ACTN2: variants seen among roughly 807,000 people sequenced by gnomAD.
ACTN2 encodes the protein actinin alpha 2, also known as alpha-actinin-2.
A neutral mutation model predicts 113.8 loss-of-function variants in ACTN2; 39 were observed. The ratio of observed to expected loss-of-function variants is 0.34; its 90% CI spans 0.27 to 0.45. The LOEUF is 0.45. Among genes scored for constraint, ACTN2 ranks in the 20% least tolerant of loss-of-function variants. ACTN2 has a pLI of 1.00. For missense variants in ACTN2, 992 were observed against 1,177.9 expected, an observed-to-expected ratio of 0.84 and a Z score of 2.31; for synonymous variants, 429 against 444.1, an observed-to-expected ratio of 0.97 and a Z score of 0.43.
Position 236,761,173 on chromosome 1 carries a change from G to A in ACTN2, c.2526G>A (p.Lys842=). The A allele has an allele frequency of 6.2e-7, 1 of 1,614,050 alleles. No homozygotes were observed. Among genetic ancestry groups the A allele is most frequent in the Non-Finnish European group, 8.5e-7 (1 of 1,180,032 alleles). The change falls in exon 20 of 21, where the codon AAG becomes AAA. Residue 842 remains lysine, a splice_region_variant and synonymous_variant. Transcript: ENST00000366578. ...CCTTCCGGATCCTGGCTTCTGATAA[G>A]GTCTGCATTGACAGATTTCCTTCTG... is the stretch of plus-strand genomic sequence containing the variant. ...IASFRILASD[K]PYILAEELRR...
chr1:236,702,892 C>A (rs1199149531), intron 1 of ACTN2, among the ~76,000 whole-genome samples: 4 of 152,142 alleles, frequency 2.6e-5, no homozygotes. Flanking sequence ...ATGCTTGCAT[C>A]TCTGTGTGTA....
intron 4 of ACTN2, among the ~76,000 whole-genome samples, chr1:236,721,015 G>GGTTTTTGTTTTTTTTTTTTT: frequency 6.1e-4 from 30 of 49,140 alleles, no homozygotes; most frequent in East Asian, 1.6e-3. Flanking sequence ...TCTGGTTTTT[G>GGTTTTTGTTTTTTTTTTTTT]TTTTTTGTTT....
chr1:236,706,193 A>G (rs1019866037), intron 1 of ACTN2, among the ~76,000 whole-genome samples: 1 of 152,108 alleles, frequency 6.6e-6, no homozygotes, highest in Non-Finnish European at 1.5e-5. Context: ...GATAATAAGA[A>G]ATTTTAAAAA....
At chr1:236,744,578 C>T (rs1252325396) in intron 11 of ACTN2, 48 bp from the exon 12 acceptor site, 9 of 1,607,296 alleles carry the variant, frequency 5.6e-6, no homozygotes, top group African/African-American at 1.3e-5. Flanking sequence ...CATGAGGAAG[C>T]CGCTGTGCCC....
At chr1:236,762,008 A>G (rs1416043082) in intron 20 of ACTN2, among the ~76,000 whole-genome samples, 1 of 152,246 alleles carries the variant, frequency 6.6e-6, no homozygotes, top group Non-Finnish European at 1.5e-5. Flanking sequence ...AGAAACTTCT[A>G]CTATAAATTA....
At position 236,744,666 on chromosome 1, in the gene ACTN2, G is replaced by T; in HGVS notation, c.1296G>T (p.Ala432=). The T allele has an allele frequency of 6.2e-7, 1 of 1,614,200 alleles. No homozygotes were observed. The part of the protein sequence containing the change: ...QILLQKDYES[A]SLTEVRALLR... Reference sequence around the variant, plus strand: ...TGCTGCAGAAGGATTACGAGTCGGCGTCGCTGACAGAGGTGCGGGCTCTGC... The same window carrying T: ...TGCTGCAGAAGGATTACGAGTCGGCTTCGCTGACAGAGGTGCGGGCTCTGC... Residue 432 remains alanine (A), a synonymous_variant, in exon 12 of 21, where the codon GCG becomes GCT. Transcript: ENST00000366578.
intron 12 of ACTN2, 86 bp downstream of exon 12, chr1:236,744,862 T>C (rs1443487164): frequency 9.4e-6 from 15 of 1,587,730 alleles, no homozygotes; most frequent in Middle Eastern, 1.7e-4. Context: ...CTTTCCTGAC[T>C]AAACGCAGAG....
At chr1:236,723,014 C>T (rs1022907898) in intron 4 of ACTN2, among the ~76,000 whole-genome samples, 1 of 152,194 alleles carries the variant, frequency 6.6e-6, no homozygotes, top group Non-Finnish European at 1.5e-5. Context: ...GCATTCATGG[C>T]CCAAGAGTGT....
At chr1:236,690,331 G>A (rs568395821) in intron 1 of ACTN2, among the ~76,000 whole-genome samples, 21 of 152,306 alleles carry the variant, frequency 1.4e-4, no homozygotes, top group African/African-American at 4.1e-4. Flanking sequence ...GGCTCTTCCT[G>A]CCTAATGACA....
rs937726988 is a variant in ACTN2 at position 236,757,743 on chromosome 1, A to T, written c.2301+111A>T. Reference sequence around the variant, plus strand: ...TTAAGGCTCCACAACATTTACAGGGAAACAGGATAGTTAATGACAAAAGAA... The same window carrying T: ...TTAAGGCTCCACAACATTTACAGGGTAACAGGATAGTTAATGACAAAAGAA... On this transcript the variant is annotated intron_variant, in intron 18 of 20. Coordinates refer to ENST00000366578, the MANE Select transcript of ACTN2 (RefSeq NM_001103.4). 4 of 1,424,362 alleles carry T rather than the reference A, an allele frequency of 2.8e-6. No individual in the cohort carries two copies. The African/African-American group carries it at 5.6e-5, about 20-fold the overall frequency. The allele number at this position is 1,424,362 out of a possible 1,614,324, so 88.2% of individuals were successfully genotyped here.
intron 9 of ACTN2, among the ~76,000 whole-genome samples, chr1:236,738,717 T>C (rs987204810): frequency 1.3e-5 from 2 of 152,240 alleles, no homozygotes; most frequent in African/African-American, 2.4e-5. Flanking sequence ...ATTCAAGAGG[T>C]GCATGTGTAT....
rs1185669121 is a variant in ACTN2 at position 236,737,178 on chromosome 1, G to C, written c.840G>C (p.Glu280Asp). 1.2e-6 allele frequency: 2 copies of C among 1,605,756 alleles called. No homozygotes were observed. The highest frequency in any genetic ancestry group is 2.2e-5 in the South Asian group (2 of 90,918). Reference protein sequence around the residue: ...CKVLAVNQENERLMEEYERLA... With the variant: ...CKVLAVNQENDRLMEEYERLA... ...TTCTTGCTGTGAATCAAGAGAATGA[G>C]AGGCTGATGGAAGAATATGAGAGGC... Residue 280 changes from glutamate to aspartate, a missense_variant, in exon 9 of 21, where the codon GAG (glutamate) becomes GAC (aspartate). Transcript: ENST00000366578.
chr1:236,728,012 G>T (rs1572122191), intron 6 of ACTN2, among the ~76,000 whole-genome samples: 1 of 152,270 alleles, frequency 6.6e-6, no homozygotes, highest in East Asian at 1.9e-4. Context: ...ATCAAGATAT[G>T]TTTGATGATT....
At chr1:236,734,175 G>C (rs191962739) in intron 7 of ACTN2, among the ~76,000 whole-genome samples, 6 of 152,270 alleles carry the variant, frequency 3.9e-5, no homozygotes, top group Admixed American at 2.6e-4. Flanking sequence ...TGCCTTTCTT[G>C]CTAGGTTAGG....
In ACTN2 at chr1:236,744,623, C is replaced by A. The variant is rs1553303028; in HGVS notation, c.1256-3C>A. On this transcript the variant is annotated splice_region_variant and splice_polypyrimidine_tract_variant and intron_variant, in intron 11 of 20. Transcript: ENST00000366578. Reference sequence around the variant, plus strand: ...TCATACTTTCTTGCTACCACCTTTGCAGGCAAAGAGCAGATCTTGCTGCAG... The same window carrying A: ...TCATACTTTCTTGCTACCACCTTTGAAGGCAAAGAGCAGATCTTGCTGCAG... 6.2e-7 allele frequency: 1 copy of A among 1,614,076 alleles called. No individual in the cohort carries two copies. Among genetic ancestry groups the A allele is most frequent in the Non-Finnish European group, 8.5e-7 (1 of 1,180,000 alleles).
At chr1:236,720,288 C>T in intron 4 of ACTN2, 97 bp downstream of exon 4, 1 of 998,250 alleles carries the variant, frequency 1.0e-6, no homozygotes, top group East Asian at 2.4e-5. Flanking sequence ...CAGTCACTTA[C>T]ATGATTGAAT....
At chr1:236,753,845 C>G in intron 15 of ACTN2, 102 bp from the exon 16 acceptor site, 1 of 1,303,788 alleles carries the variant, frequency 7.7e-7, no homozygotes, top group South Asian at 1.2e-5. Context: ...GTTTCTCCTT[C>G]TCCACTCCCA....
chr1:236,705,504 G>T (rs1657798652), intron 1 of ACTN2, among the ~76,000 whole-genome samples: 2 of 152,092 alleles, frequency 1.3e-5, no homozygotes, highest in Middle Eastern at 3.4e-3. Context: ...ACATGGAGGG[G>T]CCCTTTTTTC....
chr1:236,737,056 C>T (rs899083033), intron 8 of ACTN2, 66 bp from the exon 9 acceptor site: 9 of 1,364,734 alleles, frequency 6.6e-6, no homozygotes, highest in Middle Eastern at 2.1e-4. Context: ...TCACCCACCT[C>T]GTTCCATGCT....
Sources: gnomAD v4.1 joint callset for allele counts (sites outside exome capture counted in the v4.1 genomes callset) on GRCh38, gnomAD v4.1.1 for gene constraint, MANE v1.5 for transcripts, NCBI Gene and HGNC (gene_info 2026-07-23, HGNC 2026-07-21) for gene names.